PDE1C: variants seen among roughly 807,000 people sequenced by gnomAD.
PDE1C encodes the protein dual specificity calcium/calmodulin-dependent 3',5'-cyclic nucleotide phosphodiesterase 1C.
PDE1C carries 62 observed loss-of-function variants against 93.1 expected under a neutral mutation model. The observed-to-expected ratio is 0.67, with a 90% CI of 0.54 to 0.82. The LOEUF (loss-of-function observed/expected upper bound fraction) is 0.82, where lower values mean the gene tolerates loss of function less well. PDE1C is among the 40% of genes least tolerant of loss of function. The probability of loss-of-function intolerance (pLI) is 0.00; values close to 1 mark genes in which losing one functional copy is unlikely to be tolerated. For synonymous variants in PDE1C, 325 were observed against 310.1 expected (o/e 1.05, Z -0.50); for missense variants, 742 against 884.6 (o/e 0.84, Z 2.04).
Position 32,374,555 on chromosome 7 carries a change from G to C in PDE1C, c.310+53267C>G, listed in dbSNP as rs879790853. ...CAGTCATCCTTGCCCAGGCATCAGA[G>C]TGAAAGAGCCACCACATGATTTTAG... On this transcript the variant is annotated intron_variant, in intron 1 of 1. Transcript: ENST00000672256. Among the ~76,000 whole-genome samples, 40 of 152,228 alleles carry C rather than the reference G, an allele frequency of 2.6e-4. 1 individual carries two copies. Among genetic ancestry groups the C allele is most frequent in the African/African-American group, 8.9e-4 (37 of 41,464 alleles).
chr7:32,159,594 T>G (rs1431400649), intron 3 of PDE1C, among the ~76,000 whole-genome samples: 1 of 152,174 alleles, frequency 6.6e-6, no homozygotes, highest in Non-Finnish European at 1.5e-5. Context: ...GTCTCTTTAC[T>G]TCATCCACCA....
chr7:31,987,264 G>A (rs770547644), intron 2 of PDE1C, among the ~76,000 whole-genome samples: 12 of 152,162 alleles, frequency 7.9e-5, no homozygotes, highest in African/African-American at 2.9e-4. Flanking sequence ...ACAAACAAAC[G>A]ATTCTTGAGG....
chr7:32,003,773 T>C (rs888205879), intron 2 of PDE1C, among the ~76,000 whole-genome samples: 2 of 152,220 alleles, frequency 1.3e-5, no homozygotes, highest in African/African-American at 2.4e-5. Flanking sequence ...AATGAGTGCC[T>C]ACCATATGTC....
intron 2 of PDE1C, among the ~76,000 whole-genome samples, chr7:32,205,633 T>TAA (rs1454753383): frequency 2.6e-5 from 4 of 152,162 alleles, no homozygotes; most frequent in African/African-American, 9.7e-5. Context: ...GGTCTGCTTG[T>TAA]GCCCTGCAGA....
intron 2 of PDE1C, among the ~76,000 whole-genome samples, chr7:31,945,507 T>C (rs531810127): frequency 6.6e-6 from 1 of 152,238 alleles, no homozygotes; most frequent in South Asian, 2.1e-4. Context: ...AAATTCTAGA[T>C]GGGTAATTTC....
At chr7:31,990,401 C>A (rs916109491) in intron 2 of PDE1C, among the ~76,000 whole-genome samples, 1 of 152,104 alleles carries the variant, frequency 6.6e-6, no homozygotes, top group Non-Finnish European at 1.5e-5. Flanking sequence ...TAGGCCTCCC[C>A]AGCCATGTGG....
At chr7:32,059,978 C>G (rs1794611978) in intron 1 of PDE1C, among the ~76,000 whole-genome samples, 1 of 152,130 alleles carries the variant, frequency 6.6e-6, no homozygotes, top group Admixed American at 6.5e-5. Flanking sequence ...TCCTGGGAGC[C>G]CGTCTCCTGC....
Position 32,005,578 on chromosome 7 carries a change from A to AAAAAAAAAAAAAAG in PDE1C, c.128+45975_128+45976insCTTTTTTTTTTTTT, listed in dbSNP as rs1204630246. The stretch of plus-strand genomic sequence containing the variant: ...TTCAAAAAAAAAAAAAAAAAAAAAA[A>AAAAAAAAAAAAAAG]AAAGAATTGTGATCTGAGAAATCAC... On this transcript the variant is annotated intron_variant, in intron 2 of 17. Transcript: ENST00000396191. Among the ~76,000 whole-genome samples the AAAAAAAAAAAAAAG allele has an allele frequency of 1.9e-5, 2 of 103,716 alleles. 1 individual carries two copies. Among genetic ancestry groups the AAAAAAAAAAAAAAG allele is most frequent in the Non-Finnish European group, 4.0e-5 (2 of 49,900 alleles). The allele number at this position is 103,716 out of a possible 152,430, so 68.0% of individuals were successfully genotyped here. A position where few individuals can be genotyped will look rare whatever the true frequency, so the allele number is the denominator to read the frequency against.
rs77975881 is a variant in PDE1C at position 32,260,231 on chromosome 7, C to T, written c.85+38420G>A. 1.3e-3 allele frequency among the ~76,000 whole-genome samples: 200 copies of T among 152,304 alleles called. 7 individuals are homozygous for T. The East Asian group carries it at 0.036, about 27-fold the overall frequency. Reference sequence around the variant, plus strand: ...AATGAAGTGAAGAGCACTATCTGAACGCAGTCCCACCAAAAGTCAATGAGC... The same window carrying T: ...AATGAAGTGAAGAGCACTATCTGAATGCAGTCCCACCAAAAGTCAATGAGC... On this transcript the variant is annotated intron_variant, in intron 1 of 18. Coordinates refer to the PDE1C transcript ENST00000396193.
At chr7:31,703,730 A>G in the PDE1C span, among the ~76,000 whole-genome samples, 1 of 152,238 alleles carries the variant, frequency 6.6e-6, no homozygotes, top group Non-Finnish European at 1.5e-5. Flanking sequence ...GCAGACAAAT[A>G]CACTCTGGAG....
intron 2 of PDE1C, among the ~76,000 whole-genome samples, chr7:31,895,719 T>C (rs1356880412): frequency 6.6e-6 from 1 of 151,944 alleles, no homozygotes; most frequent in Admixed American, 6.6e-5. Flanking sequence ...GGTAATTGAC[T>C]CATGGGGGCT....
chr7:31,684,524 A>G, the PDE1C span, among the ~76,000 whole-genome samples: 1 of 152,228 alleles, frequency 6.6e-6, no homozygotes, highest in African/African-American at 2.4e-5. Flanking sequence ...TATTTCTAAT[A>G]AAGAACTAGT....
At chr7:32,092,839 G>A (rs1022747898) in intron 3 of PDE1C, among the ~76,000 whole-genome samples, 1 of 151,108 alleles carries the variant, frequency 6.6e-6, no homozygotes, top group Admixed American at 6.6e-5. Context: ...CTGTCTTGCT[G>A]AATCTACACA....
intron 1 of PDE1C, among the ~76,000 whole-genome samples, chr7:32,370,661 T>A (rs1224770555): frequency 6.6e-6 from 1 of 151,782 alleles, no homozygotes; most frequent in Non-Finnish European, 1.5e-5. Context: ...GGGGGAGGGA[T>A]AGCATTAGGA....
At chr7:31,728,454 C>A in the PDE1C span, among the ~76,000 whole-genome samples, 7 of 152,124 alleles carry the variant, frequency 4.6e-5, no homozygotes, top group African/African-American at 1.7e-4. Flanking sequence ...GTAAGAGAAA[C>A]GCAACATTTG....
chr7:31,796,762 T>A (rs1474628304), intron 16 of PDE1C, among the ~76,000 whole-genome samples: 2 of 151,754 alleles, frequency 1.3e-5, no homozygotes, highest in East Asian at 1.9e-4. Flanking sequence ...GGTTTAAGCA[T>A]CACTGAATTC....
At chr7:32,186,087 GTTTTTT>G (rs10561469) in intron 2 of PDE1C, among the ~76,000 whole-genome samples, 29,160 of 128,834 alleles carry the variant, frequency 0.23, 3,228 homozygotes, top group African/African-American at 0.36. Context: ...TTGTTTTTTT[GTTTTTT>G]TTTTTTTTTT....
chr7:31,958,802 A>T (rs1808501758), intron 2 of PDE1C, among the ~76,000 whole-genome samples: 1 of 152,182 alleles, frequency 6.6e-6, no homozygotes, highest in African/African-American at 2.4e-5. Flanking sequence ...ATCAGCAAAG[A>T]AATCTTCCCC....
intron 2 of PDE1C, among the ~76,000 whole-genome samples, chr7:32,170,280 A>G (rs977020195): frequency 2.6e-5 from 4 of 152,052 alleles, no homozygotes; most frequent in African/African-American, 9.7e-5. Context: ...AAGCACTACC[A>G]TTTTAGGGAA....
Sources: gnomAD v4.1 joint callset for allele counts (sites outside exome capture counted in the v4.1 genomes callset) on GRCh38, gnomAD v4.1.1 for gene constraint, MANE v1.5 for transcripts, NCBI Gene and HGNC (gene_info 2026-07-23, HGNC 2026-07-21) for gene names.